Variants in BABAM1 observed in about 807,000 individuals in gnomAD.
The protein encoded by BABAM1 is BRISC and BRCA1 A complex member 1, also known as BRISC and BRCA1-A complex member 1.
A neutral mutation model predicts 34.4 loss-of-function variants in BABAM1; 14 were observed. The observed-to-expected ratio is 0.41, with a 90% CI of 0.27 to 0.64. The LOEUF (loss-of-function observed/expected upper bound fraction) is 0.64, where lower values mean the gene tolerates loss of function less well. BABAM1 is among the 30% of genes least tolerant of loss of function. BABAM1 has a pLI of 0.34. For synonymous variants in BABAM1, 169 were observed against 165.8 expected (o/e 1.02, Z -0.15); for missense variants, 393 against 434.0 (o/e 0.91, Z 0.84).
chr19:17,276,430 CAG>C lies in BABAM1; in HGVS notation c.570-64_570-63del, dbSNP rs1280823528. On this transcript the variant is annotated intron_variant, in intron 6 of 8. Transcript: ENST00000598188. ...CCCGGTGAGCATCTGGGGTCTCTCT[CAG>C]GGTGATAAGAGGGGCAGACCCCCAC... is the stretch of plus-strand genomic sequence containing the variant. The C allele has an allele frequency of 4.5e-6, 7 of 1,553,084 alleles. No individual in the cohort carries two copies. The African/African-American group carries it at 8.2e-5, about 18-fold the overall frequency.
At chr19:17,270,969 C>T (rs1347808493) in intron 2 of BABAM1, among the ~76,000 whole-genome samples, 1 of 150,970 alleles carries the variant, frequency 6.6e-6, no homozygotes, top group African/African-American at 2.4e-5. Flanking sequence ...GGATTCCAGG[C>T]ATGAGCCACC....
chr19:17,275,767 G>A, intron 5 of BABAM1, 34 bp from the exon 6 acceptor site: 13 of 1,613,494 alleles, frequency 8.1e-6, no homozygotes, highest in Non-Finnish European at 1.1e-5. Context: ...GCTCACTCGT[G>A]CTCTACTAGC....
At chr19:17,276,089 G>T (rs1380930266) in intron 6 of BABAM1, among the ~76,000 whole-genome samples, 2 of 152,178 alleles carry the variant, frequency 1.3e-5, no homozygotes, top group Non-Finnish European at 2.9e-5. Context: ...GCTCAGGCCT[G>T]TAATCTCAGC....
At chr19:17,272,274 G>A (rs926216494) in intron 3 of BABAM1, among the ~76,000 whole-genome samples, 6 of 152,180 alleles carry the variant, frequency 3.9e-5, no homozygotes, top group East Asian at 2.0e-4. Context: ...GCATGGTGGC[G>A]TGCTCCTAGA....
chr19:17,267,667 C>G (rs1171368329), intron 1 of BABAM1, 140 bp downstream of exon 1: 1 of 152,194 alleles, frequency 6.6e-6, no homozygotes, highest in Non-Finnish European at 1.5e-5. Context: ...CTTCTTGCTG[C>G]CGCTAAAGCC....
chr19:17,276,801 G>T, intron 7 of BABAM1, 22 bp from the exon 8 acceptor site: 1 of 1,593,788 alleles, frequency 6.3e-7, no homozygotes, highest in Non-Finnish European at 8.5e-7. Context: ...CCAGAGGCTG[G>T]TGTTCTTTAC....
chr19:17,276,653 G>A, intron 7 of BABAM1, 29 bp downstream of exon 7: 1 of 1,587,312 alleles, frequency 6.3e-7, no homozygotes, highest in South Asian at 1.1e-5. Context: ...AGGGAGGGGT[G>A]CCTGCAGCCA....
In BABAM1 at chr19:17,279,203, A is replaced by AGG; in HGVS notation, c.*156_*157dup. On this transcript the variant is annotated 3_prime_UTR_variant, in exon 9 of 9. Coordinates refer to ENST00000598188, the MANE Select transcript of BABAM1 (RefSeq NM_014173.4). ...TCCTAGGAGGGAAACCCAGGATTCCAGGAGGGATCCCAGGAACTGTGGGCA... is the reference window on the plus strand; with the variant it reads ...TCCTAGGAGGGAAACCCAGGATTCCAGGGGAGGGATCCCAGGAACTGTGGGCA... 1 of 705,694 alleles carries AGG rather than the reference A, an allele frequency of 1.4e-6. No individual in the cohort carries two copies. The highest frequency in any genetic ancestry group is 1.8e-5 in the African/African-American group (1 of 55,984). The allele number at this position is 705,694 out of a possible 1,614,324, so 43.7% of individuals were successfully genotyped here.
intron 2 of BABAM1, among the ~76,000 whole-genome samples, chr19:17,271,011 C>A (rs1256878875): frequency 7.1e-6 from 1 of 141,382 alleles, no homozygotes; most frequent in Non-Finnish European, 1.5e-5. Context: ...TTTTTTGAGA[C>A]AGAGTTTCAC....
At chr19:17,274,056 G>T (rs2073879189) in intron 4 of BABAM1, 32 bp downstream of exon 4, 2 of 1,613,738 alleles carry the variant, frequency 1.2e-6, no homozygotes, top group East Asian at 2.2e-5. Flanking sequence ...GGTGCCCTGG[G>T]GTCCCCTGGG....
At chr19:17,273,559 GTTTTGTTTTTTTTTT>G (rs2073869282) in intron 3 of BABAM1, among the ~76,000 whole-genome samples, 1 of 24,614 alleles carries the variant, frequency 4.1e-5, no homozygotes, top group Non-Finnish European at 8.5e-5. Flanking sequence ...TTTTTTGTTT[GTTTTGTTTTTTTTTT>G]TTTTTTTGAG....
chr19:17,268,134 T>G (rs2073790382), intron 1 of BABAM1, among the ~76,000 whole-genome samples: 1 of 152,092 alleles, frequency 6.6e-6, no homozygotes, highest in Admixed American at 6.5e-5. Context: ...CTGCTAGAAG[T>G]TGCAGAGCTG....
At chr19:17,270,190 C>G (rs561434962) in intron 2 of BABAM1, among the ~76,000 whole-genome samples, 2 of 152,260 alleles carry the variant, frequency 1.3e-5, no homozygotes, top group South Asian at 2.1e-4. Flanking sequence ...CTCGGCCTCC[C>G]AAAGTGCTGG....
At position 17,273,967 on chromosome 19, in the gene BABAM1, C is replaced by T. The variant is rs1466423741; in HGVS notation, c.408C>T (p.His136=). ...TTGAGATGTTCGTGCGGACAAAACA[C>T]AAGATCGACAAAAGCCACGAGTTTG... The part of the protein sequence containing the change: ...KMIEMFVRTK[H]KIDKSHEFAL... Residue 136 remains histidine, a synonymous_variant, in exon 4 of 9, where the codon CAC becomes CAT. Transcript: ENST00000598188. The T allele has an allele frequency of 6.2e-6, 10 of 1,613,828 alleles. No homozygotes were observed. In the African/African-American group the frequency reaches 1.2e-4, roughly 19 times the overall value.
chr19:17,273,559 G>T lies in BABAM1; in HGVS notation c.345-345G>T, dbSNP rs146307982. 5.5e-3 allele frequency among the ~76,000 whole-genome samples: 135 copies of T among 24,526 alleles called. 3 individuals carry two copies. Among genetic ancestry groups the T allele is most frequent in the African/African-American group, 8.7e-3 (41 of 4,718 alleles). The allele number at this position is 24,526 out of a possible 152,430, so 16.1% of individuals were successfully genotyped here. On this transcript the variant is annotated intron_variant, in intron 3 of 8. Coordinates refer to ENST00000598188, the MANE Select transcript of BABAM1 (RefSeq NM_014173.4). Reference sequence around the variant, plus strand: ...GGCTGAAGGAAGTTTTTTTTTGTTTGTTTTGTTTTTTTTTTTTTTTTTGAG... The same window carrying T: ...GGCTGAAGGAAGTTTTTTTTTGTTTTTTTTGTTTTTTTTTTTTTTTTTGAG...
intron 3 of BABAM1, among the ~76,000 whole-genome samples, chr19:17,273,005 C>T (rs1417258864): frequency 2.6e-5 from 4 of 151,894 alleles, no homozygotes; most frequent in Non-Finnish European, 4.4e-5. Context: ...GCAACAAGAA[C>T]GAAACTCCAT....
chr19:17,276,174 G>A (rs2073905596), intron 6 of BABAM1, among the ~76,000 whole-genome samples: 1 of 152,000 alleles, frequency 6.6e-6, no homozygotes, highest in African/African-American at 2.4e-5. Flanking sequence ...TGGTGAAACC[G>A]CGTCTCTACT....
chr19:17,269,879 A>G (rs1427462711), intron 2 of BABAM1, among the ~76,000 whole-genome samples: 3 of 146,782 alleles, frequency 2.0e-5, no homozygotes, highest in Admixed American at 2.0e-4. Flanking sequence ...GCCCGCCACC[A>G]TGCCCGGCTA....
intron 5 of BABAM1, 138 bp downstream of exon 5, chr19:17,274,323 C>G: frequency 9.1e-7 from 1 of 1,102,970 alleles, no homozygotes; most frequent in South Asian, 1.4e-5. Flanking sequence ...AAAGTCACCC[C>G]TCTGAGCCTC....
Sources: gnomAD v4.1 joint callset for allele counts (sites outside exome capture counted in the v4.1 genomes callset) on GRCh38, gnomAD v4.1.1 for gene constraint, MANE v1.5 for transcripts, NCBI Gene and HGNC (gene_info 2026-07-23, HGNC 2026-07-21) for gene names.